Variants in DRAM2 observed in about 807,000 individuals in gnomAD.
The protein encoded by DRAM2 is DNA damage-regulated autophagy modulator protein 2.
DRAM2 carries 26 observed loss-of-function variants against 33.5 expected under a neutral mutation model. The ratio of observed to expected loss-of-function variants is 0.78; its 90% confidence interval spans 0.57 to 1.08. The LOEUF (loss-of-function observed/expected upper bound fraction) is 1.08. Ranked by LOEUF, DRAM2 falls within the 50% of genes least tolerant of loss-of-function variation. DRAM2 has a pLI of 0.00. For missense variants in DRAM2, 311 were observed against 318.1 expected (o/e 0.98, Z 0.17); for synonymous variants, 98 against 109.5 (o/e 0.89, Z 0.66).
At chr1:111,130,080 A>T (rs1651763356) in intron 4 of DRAM2, among the ~76,000 whole-genome samples, 1 of 152,180 alleles carries the variant, frequency 6.6e-6, no homozygotes, top group African/African-American at 2.4e-5. Flanking sequence ...TTTGGCTAAG[A>T]TCAAGTGTAA....
chr1:111,128,394 G>C (rs1228815891), intron 4 of DRAM2, among the ~76,000 whole-genome samples: 1 of 152,070 alleles, frequency 6.6e-6, no homozygotes, highest in Non-Finnish European at 1.5e-5. Flanking sequence ...AGAAGAGGCA[G>C]AACAGAAAAG....
At chr1:111,124,917 A>T in intron 5 of DRAM2, 36 bp from the exon 6 acceptor site, 1 of 1,595,886 alleles carries the variant, frequency 6.3e-7, no homozygotes, top group Non-Finnish European at 8.5e-7. Context: ...ACAAAGTAAT[A>T]AATAATCAAG....
chr1:111,130,436 T>A (rs1409405242), intron 4 of DRAM2, among the ~76,000 whole-genome samples: 1 of 152,232 alleles, frequency 6.6e-6, no homozygotes, highest in Non-Finnish European at 1.5e-5. Flanking sequence ...CTGGGCACAG[T>A]GGCTCACGCC....
At chr1:111,125,987 T>C (rs1160964514) in intron 5 of DRAM2, among the ~76,000 whole-genome samples, 1 of 152,208 alleles carries the variant, frequency 6.6e-6, no homozygotes, top group African/African-American at 2.4e-5. Context: ...CTTAACAACT[T>C]CCATTTGAAT....
At position 111,119,979 on chromosome 1, in the gene DRAM2, G is replaced by C; in HGVS notation, c.518-20C>G. On this transcript the variant is annotated intron_variant, in intron 7 of 9. Transcript: ENST00000484310. ...TCAGCACTATAAAAACATAAGTCAA[G>C]GAAGAATCTCAGAGACGATCTCAGA... 14 of 1,601,558 alleles carry C rather than the reference G, an allele frequency of 8.7e-6. No individual in the cohort carries two copies. Among genetic ancestry groups the C allele is most frequent in the African/African-American group, 1.3e-5 (1 of 74,616 alleles).
intron 4 of DRAM2, among the ~76,000 whole-genome samples, chr1:111,128,576 A>G (rs1005385363): frequency 6.6e-6 from 1 of 152,200 alleles, no homozygotes; most frequent in Non-Finnish European, 1.5e-5. Flanking sequence ...CAAGTCTCTT[A>G]ACATAAAATG....
intron 3 of DRAM2, among the ~76,000 whole-genome samples, chr1:111,134,046 T>C (rs972718832): frequency 1.1e-4 from 16 of 152,184 alleles, no homozygotes; most frequent in African/African-American, 3.9e-4. Flanking sequence ...TTCCAGCTCC[T>C]ACATTGGGGC....
At chr1:111,122,023 T>C (rs1008800300) in intron 6 of DRAM2, among the ~76,000 whole-genome samples, 1 of 152,104 alleles carries the variant, frequency 6.6e-6, no homozygotes, top group Admixed American at 6.6e-5. Context: ...TAGTGATATA[T>C]ATAATGGAGA....
rs1650644018 is a variant in DRAM2, at chr1:111,124,705, C to T, written c.339+37G>A. The T allele has an allele frequency of 1.9e-6, 3 of 1,608,348 alleles. No homozygotes were observed. The African/African-American group carries it at 4.0e-5, about 22-fold the overall frequency. The stretch of plus-strand genomic sequence containing the variant: ...CCCTTTTAATATATATATTTATGTA[C>T]TTAAGGAAAATACCTATGCTGGGCT... On this transcript the variant is annotated intron_variant, in intron 6 of 9. Transcript: ENST00000484310.
At chr1:111,121,413 G>A (rs1048651230) in intron 6 of DRAM2, among the ~76,000 whole-genome samples, 1 of 151,918 alleles carries the variant, frequency 6.6e-6, no homozygotes, top group African/African-American at 2.4e-5. Context: ...CAGACTTCTG[G>A]CCTCCCGAAC....
intron 6 of DRAM2, among the ~76,000 whole-genome samples, chr1:111,121,989 C>T (rs1650138202): frequency 6.6e-6 from 1 of 151,980 alleles, no homozygotes; most frequent in African/African-American, 2.4e-5. Flanking sequence ...ATAAGCTTGT[C>T]CTATTTAAGG....
intron 3 of DRAM2, among the ~76,000 whole-genome samples, chr1:111,133,178 C>CT (rs35385263): frequency 0.25 from 34,163 of 134,498 alleles, 4,662 homozygotes; most frequent in Middle Eastern, 0.32. Flanking sequence ...CTTTACTTAC[C>CT]TTTTTTTTTT....
chr1:111,119,082 A>G (rs1649478408), intron 8 of DRAM2, among the ~76,000 whole-genome samples, 185 bp from the exon 9 acceptor site: 1 of 151,960 alleles, frequency 6.6e-6, no homozygotes, highest in Non-Finnish European at 1.5e-5. Flanking sequence ...CTCCTAAATG[A>G]CACTCTATTT....
At chr1:111,132,106 A>G (rs941812772) in intron 3 of DRAM2, among the ~76,000 whole-genome samples, 1 of 152,218 alleles carries the variant, frequency 6.6e-6, no homozygotes, top group Non-Finnish European at 1.5e-5. Context: ...GCATAATTAG[A>G]GGGTTGGACG....
At position 111,120,610 on chromosome 1, in the gene DRAM2, G is replaced by T. The variant is rs1465179365; in HGVS notation, c.423C>A (p.Ile141=). Residue 141 remains isoleucine, a synonymous_variant, in exon 7 of 10, where the codon ATC becomes ATA. Transcript: ENST00000484310. ...TTTTGGGCTGCATTTGGTAGGAAAG[G>T]ATGGTCTGAACAAACATATATAATG... is the stretch of plus-strand genomic sequence containing the variant. ...MGSLYMFVQT[I]LSYQMQPKIH... 2 of 1,612,080 alleles carry T rather than the reference G, an allele frequency of 1.2e-6. No individual in the cohort carries two copies. The highest frequency in any genetic ancestry group is 1.7e-6 in the Non-Finnish European group (2 of 1,178,814).
At chr1:111,124,230 G>T (rs1254306758) in intron 6 of DRAM2, among the ~76,000 whole-genome samples, 4 of 152,108 alleles carry the variant, frequency 2.6e-5, no homozygotes, top group Admixed American at 1.3e-4. Context: ...TTAACATTAA[G>T]TATTTGACAT....
chr1:111,134,169 G>A (rs1652689794), intron 3 of DRAM2, among the ~76,000 whole-genome samples: 1 of 152,022 alleles, frequency 6.6e-6, no homozygotes, highest in African/African-American at 2.4e-5. Context: ...AGTCAATAAT[G>A]TGAATTAAGA....
At chr1:111,136,515 G>A (rs1015740667) in intron 3 of DRAM2, among the ~76,000 whole-genome samples, 9 of 151,952 alleles carry the variant, frequency 5.9e-5, no homozygotes, top group Non-Finnish European at 7.4e-5. Context: ...ACCCAGGGAG[G>A]CAGAGGTTGC....
chr1:111,128,491 T>C (rs533210818), intron 4 of DRAM2, among the ~76,000 whole-genome samples: 3 of 152,302 alleles, frequency 2.0e-5, no homozygotes, highest in African/African-American at 4.8e-5. Flanking sequence ...TGGCCTCTTA[T>C]ATTACAGTAG....
Sources: gnomAD v4.1 joint callset for allele counts (sites outside exome capture counted in the v4.1 genomes callset) on GRCh38, gnomAD v4.1.1 for gene constraint, MANE v1.5 for transcripts, NCBI Gene and HGNC (gene_info 2026-07-23, HGNC 2026-07-21) for gene names.